UST: variants seen among roughly 807,000 people sequenced by gnomAD.
UST encodes the protein uronyl 2-sulfotransferase.
In UST, 21 loss-of-function variants were observed where a neutral mutation model predicts 45.6. The ratio of observed to expected loss-of-function variants is 0.46; its 90% CI spans 0.33 to 0.66. The LOEUF is 0.66. UST is among the 30% of genes least tolerant of loss of function. UST has a pLI of 0.02. For missense variants in UST, 463 were observed against 512.4 expected (o/e 0.90, Z 0.93); for synonymous variants, 215 against 200.6 (o/e 1.07, Z -0.61).
chr6:148,955,281 C>T (rs920965720), intron 4 of UST, among the ~76,000 whole-genome samples: 3 of 152,254 alleles, frequency 2.0e-5, no homozygotes, highest in Non-Finnish European at 4.4e-5. Context: ...CCTGACAACC[C>T]ACCTGGCTGG....
At chr6:148,843,109 T>C (rs1252162948) in intron 1 of UST, among the ~76,000 whole-genome samples, 1 of 152,206 alleles carries the variant, frequency 6.6e-6, no homozygotes, top group African/African-American at 2.4e-5. Flanking sequence ...TTGGGTAAAA[T>C]ATTTTGAAAA....
In UST at chr6:149,021,501, A is replaced by G. The variant is rs762310035; in HGVS notation, c.937+20A>G. ...ACCCAGGTAACTTCATTTGTAAGCA[A>G]GCTCTTCTCCATGAGAGGTCTGTGT... On this transcript the variant is annotated intron_variant, in intron 7 of 7. Transcript: ENST00000367463. 1 of 1,613,554 alleles carries G rather than the reference A, an allele frequency of 6.2e-7. No individual in the cohort carries two copies.
At chr6:149,061,403 C>T (rs1158489324) in intron 7 of UST, among the ~76,000 whole-genome samples, 1 of 152,084 alleles carries the variant, frequency 6.6e-6, no homozygotes, top group Admixed American at 6.5e-5. Flanking sequence ...GCTATGTTTG[C>T]AAAAAATGTT....
intron 5 of UST, among the ~76,000 whole-genome samples, chr6:149,001,705 G>C (rs1781552500): frequency 1.3e-5 from 2 of 152,130 alleles, no homozygotes. Flanking sequence ...ATTATTAAAA[G>C]ATGAATTATG....
intron 1 of UST, among the ~76,000 whole-genome samples, chr6:148,864,243 C>T (rs979497951): frequency 2.6e-5 from 4 of 152,224 alleles, no homozygotes; most frequent in African/African-American, 4.8e-5. Context: ...CCTCGCAGTT[C>T]GATCTCATAC....
At chr6:148,898,645 A>C (rs1158713122) in intron 2 of UST, among the ~76,000 whole-genome samples, 1 of 152,244 alleles carries the variant, frequency 6.6e-6, no homozygotes, top group African/African-American at 2.4e-5. Flanking sequence ...TAATGAATTC[A>C]TTTCTTCCTC....
chr6:148,887,513 C>T (rs923524490), intron 2 of UST, among the ~76,000 whole-genome samples: 1 of 152,214 alleles, frequency 6.6e-6, no homozygotes, highest in Non-Finnish European at 1.5e-5. Flanking sequence ...TTTGTTTTTC[C>T]TGTAAGCAGT....
intron 5 of UST, among the ~76,000 whole-genome samples, chr6:149,016,907 T>G (rs1775905618): frequency 6.6e-6 from 1 of 152,176 alleles, no homozygotes; most frequent in South Asian, 2.1e-4. Flanking sequence ...CCAGGGTTAT[T>G]GGGTCCCTCG....
At chr6:148,855,996 C>A (rs1170822190) in intron 1 of UST, among the ~76,000 whole-genome samples, 1 of 150,778 alleles carries the variant, frequency 6.6e-6, no homozygotes, top group Non-Finnish European at 1.5e-5. Context: ...TTGCTTACAG[C>A]TGAAAAATAT....
chr6:149,042,039 T>C (rs1360039306), intron 7 of UST, among the ~76,000 whole-genome samples: 1 of 152,244 alleles, frequency 6.6e-6, no homozygotes, highest in East Asian at 1.9e-4. Context: ...ACAGTAAAAA[T>C]GTATTGAATT....
At chr6:148,914,821 A>G (rs991257659) in intron 2 of UST, among the ~76,000 whole-genome samples, 17 of 152,286 alleles carry the variant, frequency 1.1e-4, no homozygotes, top group African/African-American at 4.1e-4. Context: ...ATAAAATCTA[A>G]TATATACATT....
intron 1 of UST, among the ~76,000 whole-genome samples, chr6:148,831,756 C>T (rs538666937): frequency 6.6e-6 from 1 of 152,158 alleles, no homozygotes; most frequent in East Asian, 1.9e-4. Context: ...GATTGTGCCA[C>T]TGCATTCCAG....
At chr6:148,840,627 T>A (rs978310027) in intron 1 of UST, among the ~76,000 whole-genome samples, 1 of 152,138 alleles carries the variant, frequency 6.6e-6, no homozygotes, top group African/African-American at 2.4e-5. Flanking sequence ...GCCCTCCGCA[T>A]CCACAAGTTT....
chr6:149,037,410 A>T (rs1776253421), intron 7 of UST, among the ~76,000 whole-genome samples: 1 of 152,204 alleles, frequency 6.6e-6, no homozygotes, highest in Admixed American at 6.5e-5. Context: ...TAAAGCCCAG[A>T]CTGAAGGGAA....
intron 3 of UST, among the ~76,000 whole-genome samples, chr6:148,947,949 A>C (rs183463237): frequency 6.6e-6 from 1 of 152,096 alleles, no homozygotes; most frequent in African/African-American, 2.4e-5. Flanking sequence ...AACAAGGAAG[A>C]AGCAGCAAGG....
At chr6:149,042,041 TATTGA>T (rs1419654369) in intron 7 of UST, among the ~76,000 whole-genome samples, 3 of 152,262 alleles carry the variant, frequency 2.0e-5, no homozygotes, top group Admixed American at 2.0e-4. Flanking sequence ...AGTAAAAATG[TATTGA>T]ATTAATACTG....
chr6:148,849,274 G>C (rs747072891), intron 1 of UST, among the ~76,000 whole-genome samples: 12 of 152,168 alleles, frequency 7.9e-5, no homozygotes, highest in Non-Finnish European at 1.3e-4. Flanking sequence ...TGTAGCCATA[G>C]AGCTGAATGT....
chr6:149,043,938 CAG>C (rs1218113926), intron 7 of UST, among the ~76,000 whole-genome samples: 1 of 152,210 alleles, frequency 6.6e-6, no homozygotes, highest in Non-Finnish European at 1.5e-5. Flanking sequence ...ACACAACTCC[CAG>C]AGTGTCTATA....
chr6:148,915,964 A>G (rs2114886872), intron 2 of UST, among the ~76,000 whole-genome samples: 1 of 152,328 alleles, frequency 6.6e-6, no homozygotes, highest in East Asian at 1.9e-4. Context: ...TGCTATAAAG[A>G]AACATGAAAC....
Sources: allele counts gnomAD v4.1 joint callset (sites outside exome capture counted in the v4.1 genomes callset), GRCh38; gene constraint gnomAD v4.1.1; transcripts MANE v1.5; gene names NCBI Gene and HGNC (gene_info 2026-07-23, HGNC 2026-07-21).